The following SLC6A16 variants were observed in gnomAD, a reference collection of about 807,000 sequenced individuals.
The protein encoded by SLC6A16 is solute carrier family 6 member 16, also known as orphan sodium- and chloride-dependent neurotransmitter transporter NTT5.
A neutral mutation model predicts 65.4 loss-of-function variants in SLC6A16; 54 were observed. The observed-to-expected ratio is 0.83, with a 90% confidence interval of 0.66 to 1.04. The LOEUF is 1.04. Ranked by LOEUF, SLC6A16 falls within the 50% of genes least tolerant of loss-of-function variation. The pLI, the probability that SLC6A16 is intolerant of heterozygous loss-of-function variation, is 0.00. For missense variants in SLC6A16, 816 were observed against 914.0 expected (o/e 0.89, Z 1.38); for synonymous variants, 330 against 346.5 (o/e 0.95, Z 0.53).
the SLC6A16 span, chr19:49,336,566 A>C: frequency 2.1e-4 from 44 of 211,220 alleles, no homozygotes; most frequent in South Asian, 3.8e-4. Context: ...TCAAAAAAAA[A>C]CCCTAAGAAA....
At chr19:49,317,841 A>G (rs1231588965) in intron 1 of SLC6A16, among the ~76,000 whole-genome samples, 1 of 152,094 alleles carries the variant, frequency 6.6e-6, no homozygotes, top group Non-Finnish European at 1.5e-5. Flanking sequence ...TAAAACAACT[A>G]TTTTCACATA....
chr19:49,309,147 T>C (rs1215997707), intron 6 of SLC6A16, 30 bp from the exon 7 acceptor site: 1 of 1,608,362 alleles, frequency 6.2e-7, no homozygotes. Flanking sequence ...CATAAGGGGG[T>C]TGTAAAAGAA....
At chr19:49,293,145 G>A in intron 10 of SLC6A16, 78 bp downstream of exon 10, 1 of 1,392,992 alleles carries the variant, frequency 7.2e-7, no homozygotes, top group South Asian at 1.3e-5. Context: ...TAGGTGGGTT[G>A]ACAGTAGAGG....
At chr19:49,302,232 C>T (rs1970304690) in intron 7 of SLC6A16, among the ~76,000 whole-genome samples, 1 of 152,208 alleles carries the variant, frequency 6.6e-6, no homozygotes, top group African/African-American at 2.4e-5. Flanking sequence ...AGAGTGTGTG[C>T]ACACCACTGA....
chr19:49,308,686 T>G (rs1970442770), intron 7 of SLC6A16, 190 bp downstream of exon 7: 3 of 673,270 alleles, frequency 4.5e-6, no homozygotes, highest in Admixed American at 5.1e-5. Flanking sequence ...GACAAAAGGC[T>G]CTGAGAAGGA....
the SLC6A16 span, chr19:49,337,970 T>C: frequency 5.0e-6 from 8 of 1,614,064 alleles, no homozygotes; most frequent in Non-Finnish European, 6.8e-6. Context: ...CATCCAAAAG[T>C]ACGGCACCAA....
chr19:49,337,301 C>A, the SLC6A16 span: 2 of 1,385,230 alleles, frequency 1.4e-6, no homozygotes, highest in Non-Finnish European at 2.0e-6. Context: ...TGGAGAGAGA[C>A]CGAAACAAGG....
intron 7 of SLC6A16, 197 bp downstream of exon 7, chr19:49,308,679 A>G (rs1447354185): frequency 4.6e-6 from 3 of 649,622 alleles, no homozygotes; most frequent in Admixed American, 5.4e-5. Context: ...CTAGGGTGAC[A>G]AAAGGCTCTG....
chr19:49,313,073 A>C, intron 1 of SLC6A16, among the ~76,000 whole-genome samples: 1 of 30,854 alleles, frequency 3.2e-5, no homozygotes, highest in Admixed American at 4.0e-4. Flanking sequence ...ACCCTGTCTC[A>C]AAAAAAAAAA....
At chr19:49,314,378 A>G (rs1970582020) in intron 1 of SLC6A16, among the ~76,000 whole-genome samples, 1 of 152,234 alleles carries the variant, frequency 6.6e-6, no homozygotes, top group Non-Finnish European at 1.5e-5. Flanking sequence ...ACGATGAATT[A>G]GAAGGTCACT....
the SLC6A16 span, chr19:49,336,899 C>T: frequency 1.2e-6 from 2 of 1,613,752 alleles, no homozygotes; most frequent in Non-Finnish European, 8.5e-7. Context: ...ACTCCCCTCA[C>T]CTCTCCCAGG....
intron 10 of SLC6A16, 149 bp from the exon 11 acceptor site, chr19:49,290,916 C>A: frequency 1.4e-6 from 1 of 736,176 alleles, no homozygotes; most frequent in Non-Finnish European, 2.2e-6. Flanking sequence ...CATCTTCCCC[C>A]TAGTCAGTCT....
At chr19:49,323,398 G>A (rs1356691583) in intron 1 of SLC6A16, among the ~76,000 whole-genome samples, 1 of 152,104 alleles carries the variant, frequency 6.6e-6, no homozygotes, top group Admixed American at 6.6e-5. Context: ...TGCATCAAGA[G>A]ACACTATCAA....
At position 49,313,294 on chromosome 19, in the gene SLC6A16, C is replaced by T. The variant is rs565965466; in HGVS notation, c.-64-1883G>A. On this transcript the variant is annotated intron_variant, in intron 1 of 11. Coordinates refer to ENST00000335875, the MANE Select transcript of SLC6A16 (RefSeq NM_014037.3). Reference sequence around the variant, plus strand: ...CCTCTCACCTTATCCTCCAAAGTACCTAGGACTATAGGCATGTGCCACCAT... The same window carrying T: ...CCTCTCACCTTATCCTCCAAAGTACTTAGGACTATAGGCATGTGCCACCAT... Among the ~76,000 whole-genome samples, 4 of 152,096 alleles carry T rather than the reference C, an allele frequency of 2.6e-5. No homozygotes were observed. In the South Asian group the frequency reaches 8.3e-4, roughly 32 times the overall value.
At position 49,309,838 on chromosome 19, in the gene SLC6A16, T is replaced by C; in HGVS notation, c.701-12A>G. On this transcript the variant is annotated splice_polypyrimidine_tract_variant and intron_variant, in intron 4 of 11. Transcript: ENST00000335875. ...TTCACATTCAGGATCTGGGGGGACCTGGCTTTAGACATGCCTGCTAGACAA... is the reference window on the plus strand; with the variant it reads ...TTCACATTCAGGATCTGGGGGGACCCGGCTTTAGACATGCCTGCTAGACAA... The C allele has an allele frequency of 1.2e-6, 2 of 1,605,252 alleles. No homozygotes were observed. The highest frequency in any genetic ancestry group is 1.7e-4 in the Middle Eastern group (1 of 5,798).
Position 49,310,082 on chromosome 19 carries a change from G to A in SLC6A16, c.658C>T (p.Pro220Ser). The A allele has an allele frequency of 6.2e-7, 1 of 1,613,956 alleles. No individual in the cohort carries two copies. Among genetic ancestry groups the A allele is most frequent in the South Asian group, 1.1e-5 (1 of 91,068 alleles). Residue 220 changes from proline to serine, a missense_variant, in exon 4 of 12, where the codon CCA becomes TCA. Physicochemically the swap from Pro to Ser is moderately conservative, Grantham distance 74. Transcript: ENST00000335875. ...ATCGTTAAGGGACATTTCTCCCATG[G>A]AACGGGAAACTGGAAGGACTGGCTC... ...YMSQSFQFPV[P>S]WEKCPLTMNS...
intron 7 of SLC6A16, among the ~76,000 whole-genome samples, chr19:49,295,130 T>C (rs1277157032): frequency 1.3e-5 from 2 of 152,094 alleles, no homozygotes; most frequent in South Asian, 2.1e-4. Context: ...ACCACCATTC[T>C]TCACTTGGCT....
At chr19:49,306,755 G>A (rs931335623) in intron 7 of SLC6A16, among the ~76,000 whole-genome samples, 2 of 151,920 alleles carry the variant, frequency 1.3e-5, no homozygotes, top group African/African-American at 2.4e-5. Flanking sequence ...TATTGGCCAG[G>A]CTGGTCTCAA....
chr19:49,312,560 T>C, intron 1 of SLC6A16: 1 of 984,920 alleles, frequency 1.0e-6, no homozygotes, highest in Non-Finnish European at 1.2e-6. Context: ...TTCCCGCCAC[T>C]CTGAACTTCT....
Sources: gnomAD v4.1 joint callset for allele counts (sites outside exome capture counted in the v4.1 genomes callset) on GRCh38, gnomAD v4.1.1 for gene constraint, MANE v1.5 for transcripts, NCBI Gene and HGNC (gene_info 2026-07-23, HGNC 2026-07-21) for gene names.